NLGN4X: variants seen among roughly 807,000 people sequenced by gnomAD.
The protein encoded by NLGN4X is neuroligin-4, X-linked.
Under a neutral mutation model 40.3 loss-of-function variants are expected in NLGN4X, and 3 were observed. The observed-to-expected ratio is 0.07, with a 90% CI of 0.03 to 0.19. The LOEUF (loss-of-function observed/expected upper bound fraction) is 0.19, where lower values mean the gene tolerates loss of function less well. Among genes scored for constraint, NLGN4X ranks in the 10% least tolerant of loss-of-function variants. The pLI, the probability that NLGN4X is intolerant of heterozygous loss-of-function variation, is 1.00. For missense variants in NLGN4X, 382 were observed against 708.3 expected (o/e 0.54, Z 5.23); for synonymous variants, 270 against 306.8 (o/e 0.88, Z 1.25).
intron 4 of NLGN4X, among the ~76,000 whole-genome samples, chrX:5,904,948 C>A (rs759738897): frequency 9.0e-6 from 1 of 110,932 alleles, no homozygotes; most frequent in South Asian, 3.9e-4. Context: ...ACACACAGGA[C>A]CGCAACTTGA....
chrX:6,088,822 T>C (rs927093187), intron 2 of NLGN4X, among the ~76,000 whole-genome samples: 1 of 112,030 alleles, frequency 8.9e-6, no homozygotes, highest in Non-Finnish European at 1.9e-5. Context: ...TATACATTCC[T>C]TTCTCTGTTT....
intron 2 of NLGN4X, among the ~76,000 whole-genome samples, chrX:6,147,488 C>A (rs1336817145): frequency 8.9e-6 from 1 of 112,138 alleles, no homozygotes; most frequent in African/African-American, 3.2e-5. Flanking sequence ...GGGACCAAGA[C>A]GAATCACGAA....
intron 3 of NLGN4X, among the ~76,000 whole-genome samples, chrX:5,976,335 G>T: frequency 8.9e-6 from 1 of 112,271 alleles, no homozygotes; most frequent in Admixed American, 9.5e-5. Context: ...GAAGGCTAGG[G>T]AAGGGAATCT....
At chrX:6,079,756 GA>G (rs1307882465) in intron 2 of NLGN4X, among the ~76,000 whole-genome samples, 1 of 111,953 alleles carries the variant, frequency 8.9e-6, no homozygotes, top group Non-Finnish European at 1.9e-5. Context: ...TAATACCAAG[GA>G]AATAATTGGC....
chrX:6,168,949 A>G (rs1453424528), intron 1 of NLGN4X, among the ~76,000 whole-genome samples: 1 of 112,060 alleles, frequency 8.9e-6, no homozygotes, highest in Admixed American at 9.5e-5. Context: ...CATTAGCTTT[A>G]AGGACATTCT....
intron 5 of NLGN4X, 85 bp downstream of exon 5, chrX:5,902,992 G>A: frequency 9.3e-7 from 1 of 1,069,754 alleles, no homozygotes; most frequent in Non-Finnish European, 1.3e-6. Context: ...GTGTGCTCCT[G>A]CACGTGGCAG....
rs114090112 is a variant in NLGN4X, at chrX:6,028,955, A to G, written c.625+325T>C. Among the ~76,000 whole-genome samples, 240 of 112,450 alleles carry G rather than the reference A, an allele frequency of 2.1e-3. 2 individuals carry two copies. Among genetic ancestry groups the G allele is most frequent in the African/African-American group, 7.3e-3 (227 of 30,973 alleles). On this transcript the variant is annotated intron_variant, in intron 3 of 5. Coordinates refer to ENST00000381095, the MANE Select transcript of NLGN4X (RefSeq NM_181332.3). ...AGATCTATGGCCATTCCCAACTATA[A>G]TATCACCAAATATGTGTTCATTGTA...
rs1356391854 is a variant in NLGN4X at position 5,898,306 on chromosome X, C to T, written c.1602-4640G>A. Among the ~76,000 whole-genome samples the T allele has an allele frequency of 5.3e-5, 5 of 93,886 alleles. No homozygotes were observed. The East Asian group carries it at 1.6e-3, about 30-fold the overall frequency. 81.5% of individuals were successfully genotyped at this position (93,886 alleles called of 115,157 possible). A position where few individuals can be genotyped will look rare whatever the true frequency, so the allele number is the denominator to read the frequency against. On this transcript the variant is annotated intron_variant, in intron 5 of 5. Transcript: ENST00000381095. Reference sequence around the variant, plus strand: ...CCTCCCGCCCTCCTTTTCTTTTCCTCCCTCCCTCCCTCCTTCCCTCCCTTC... The same window carrying T: ...CCTCCCGCCCTCCTTTTCTTTTCCTTCCTCCCTCCCTCCTTCCCTCCCTTC...
intron 2 of NLGN4X, among the ~76,000 whole-genome samples, chrX:6,104,836 T>C (rs770243848): frequency 9.0e-6 from 1 of 111,014 alleles, no homozygotes; most frequent in South Asian, 3.8e-4. Context: ...GGACAATGTA[T>C]ATGGAGTTAG....
At chrX:6,022,748 C>T (rs892348774) in intron 3 of NLGN4X, among the ~76,000 whole-genome samples, 1 of 111,496 alleles carries the variant, frequency 9.0e-6, no homozygotes, top group Non-Finnish European at 1.9e-5. Flanking sequence ...CCACTCTGGC[C>T]GATGTTGCAA....
At chrX:6,063,743 T>A (rs1212715894) in intron 2 of NLGN4X, among the ~76,000 whole-genome samples, 1 of 112,464 alleles carries the variant, frequency 8.9e-6, no homozygotes, top group Non-Finnish European at 1.9e-5. Context: ...TACAGTTGAA[T>A]GCTTAAAAAT....
At chrX:5,925,881 C>CATATATATATATAT (rs55860509) in intron 3 of NLGN4X, among the ~76,000 whole-genome samples, 2 of 19,514 alleles carry the variant, frequency 1.0e-4, no homozygotes, top group Admixed American at 1.1e-3. Flanking sequence ...TACATACACA[C>CATATATATATATAT]ATATATATAT....
intron 2 of NLGN4X, among the ~76,000 whole-genome samples, chrX:6,030,613 A>T (rs991447082): frequency 2.7e-5 from 3 of 110,705 alleles, no homozygotes; most frequent in African/African-American, 9.9e-5. Flanking sequence ...AATTATGATC[A>T]CAATTTTACT....
rs1391724177 is a variant in NLGN4X at position 5,903,788 on chromosome X, G to C, written c.890C>G (p.Thr297Ser). ...WAVNYQPAKY[T>S]RILADKVGCN... ...GCCGACCTTGTCTGCCAATATCCGA[G>C]TGTACTTGGCCGGCTGGTAGTTCAC... The change falls in exon 5 of 6, where the codon ACT becomes AGT. Residue 297 changes from threonine (T) to serine (S), a missense_variant. Around this residue, in one of 5 missense-constraint regions of NLGN4X, gnomAD observed 29 missense variants for 32.1 expected, o/e 0.90. Coordinates refer to ENST00000381095, the MANE Select transcript of NLGN4X (RefSeq NM_181332.3). 1.7e-6 allele frequency: 2 copies of C among 1,210,287 alleles called. No individual in the cohort carries two copies. The highest frequency in any genetic ancestry group is 2.2e-6 in the Non-Finnish European group (2 of 895,345).
At chrX:5,945,549 C>T (rs762062523) in intron 3 of NLGN4X, among the ~76,000 whole-genome samples, 63 of 111,650 alleles carry the variant, frequency 5.6e-4, no homozygotes, top group Non-Finnish European at 7.1e-4. Context: ...ACAGCATACA[C>T]ATAAATACAT....
intron 3 of NLGN4X, among the ~76,000 whole-genome samples, chrX:6,001,092 T>A (rs949621473): frequency 4.5e-5 from 5 of 111,000 alleles, no homozygotes; most frequent in African/African-American, 1.3e-4. Flanking sequence ...CCTTACACAA[T>A]CCTCTGATCT....
At chrX:6,206,618 C>A (rs1924058013) in intron 1 of NLGN4X, among the ~76,000 whole-genome samples, 1 of 111,172 alleles carries the variant, frequency 9.0e-6, no homozygotes, top group Non-Finnish European at 1.9e-5. Context: ...AGGATACTTT[C>A]CTGTCTCTTC....
Position 5,903,886 on chromosome X carries a change from G to T in NLGN4X, c.812-20C>A. The T allele has an allele frequency of 8.3e-7, 1 of 1,210,394 alleles. No individual in the cohort carries two copies. The highest frequency in any genetic ancestry group is 1.8e-5 in the South Asian group (1 of 56,948). ...AGAGACCTGCAGGTGCAAAATTGTG[G>T]ACATGCAAATGAAAACCCACAGGAC... On this transcript the variant is annotated intron_variant, in intron 4 of 5. Transcript: ENST00000381095.
intron 3 of NLGN4X, among the ~76,000 whole-genome samples, chrX:5,993,701 C>A (rs5961912): frequency 0.36 from 39,650 of 110,620 alleles, 5,231 homozygotes; most frequent in Middle Eastern, 0.6. Context: ...GATGAAGATG[C>A]CGGAGGGTTG....
Sources: gnomAD v4.1 joint callset for allele counts (sites outside exome capture counted in the v4.1 genomes callset) on GRCh38, gnomAD v4.1.1 for gene constraint, gnomAD v4.1.1 regional missense constraint, MANE v1.5 for transcripts, NCBI Gene and HGNC (gene_info 2026-07-23, HGNC 2026-07-21) for gene names.